The following ARHGAP32 variants were observed in gnomAD, a reference collection of about 807,000 sequenced individuals.
ARHGAP32 encodes the protein Rho GTPase activating protein 32.
Under a neutral mutation model 186.5 loss-of-function variants are expected in ARHGAP32, and 51 were observed. The observed-to-expected ratio is 0.27, with a 90% CI of 0.22 to 0.35. The LOEUF is 0.35. Among genes scored for constraint, ARHGAP32 ranks in the 10% least tolerant of loss-of-function variants. ARHGAP32 has a pLI of 1.00. For synonymous variants in ARHGAP32, 950 were observed against 964.3 expected (o/e 0.99, Z 0.27); for missense variants, 2,186 against 2,623.5 (o/e 0.83, Z 3.64).
chr11:129,136,544 G>C (rs1163574347), intron 2 of ARHGAP32, among the ~76,000 whole-genome samples: 1 of 151,922 alleles, frequency 6.6e-6, no homozygotes, highest in Non-Finnish European at 1.5e-5. Context: ...ACAGACAATA[G>C]CAAGGAAGTG....
chr11:129,114,931 C>G (rs139336101), intron 5 of ARHGAP32, among the ~76,000 whole-genome samples: 27 of 152,182 alleles, frequency 1.8e-4, no homozygotes, highest in African/African-American at 5.1e-4. Flanking sequence ...GAATGGAAAT[C>G]AGTAGCATAG....
intron 1 of ARHGAP32, among the ~76,000 whole-genome samples, chr11:129,221,804 C>T (rs1944715935): frequency 6.6e-6 from 1 of 151,998 alleles, no homozygotes; most frequent in South Asian, 2.1e-4. Flanking sequence ...AGAAGAAGAT[C>T]TTGCCTCTAA....
chr11:129,278,636 T>C (rs997278537), intron 1 of ARHGAP32, among the ~76,000 whole-genome samples: 1 of 151,880 alleles, frequency 6.6e-6, no homozygotes, highest in African/African-American at 2.4e-5. Flanking sequence ...CTTCAGTCAA[T>C]CGGAAAGACG....
chr11:129,087,818 T>C (rs1941456722), intron 6 of ARHGAP32, among the ~76,000 whole-genome samples: 3 of 152,218 alleles, frequency 2.0e-5, no homozygotes, highest in Non-Finnish European at 4.4e-5. Flanking sequence ...TAGTGGGGGA[T>C]GTTGCATGTG....
chr11:129,031,052 C>A (rs183094696), intron 11 of ARHGAP32, among the ~76,000 whole-genome samples: 2 of 152,294 alleles, frequency 1.3e-5, no homozygotes, highest in East Asian at 1.9e-4. Context: ...GGACAGCCTG[C>A]AGAACTGTGA....
At chr11:129,231,559 C>T (rs1023182939) in intron 1 of ARHGAP32, among the ~76,000 whole-genome samples, 9 of 152,060 alleles carry the variant, frequency 5.9e-5, no homozygotes, top group Admixed American at 3.3e-4. Context: ...TCTAGCTCTC[C>T]GACATCTTAC....
chr11:129,248,938 A>G lies in ARHGAP32; in HGVS notation c.-5+30208T>C, dbSNP rs183450467. Among the ~76,000 whole-genome samples, 22 of 152,328 alleles carry G rather than the reference A, an allele frequency of 1.4e-4. No homozygotes were observed. In the East Asian group the frequency reaches 3.9e-3, roughly 27 times the overall value. On this transcript the variant is annotated intron_variant, in intron 1 of 6. Transcript: ENST00000525234. The stretch of plus-strand genomic sequence containing the variant: ...TAAAGCAGGCATGGTCTCTGTCCTC[A>G]TGGAGCTTGGAGTCCATTTCCTCTA...
intron 2 of ARHGAP32, among the ~76,000 whole-genome samples, chr11:129,160,211 T>A (rs997166540): frequency 7.2e-5 from 11 of 152,252 alleles, no homozygotes; most frequent in African/African-American, 2.6e-4. Flanking sequence ...ATGCCCTCTC[T>A]CACCACTCCT....
chr11:128,978,772 T>C lies in ARHGAP32; in HGVS notation c.2120A>G (p.Lys707Arg). The change falls in exon 19 of 23, where the codon AAA becomes AGA. Residue 707 changes from lysine (K) to arginine (R), a missense_variant and splice_region_variant. Physicochemically the swap from Lys to Arg is conservative, Grantham distance 26. Coordinates refer to ENST00000682385, the MANE Select transcript of ARHGAP32 (RefSeq NM_001378024.1). ...GTGAGAATCTCCCAGGCACTCACCT[T>C]TCAGAGCCATGGCTTTCATCTCTGA... ...EPSEMKAMAL[K>R]GGRAEGTLRS... The C allele has an allele frequency of 6.2e-7, 1 of 1,608,526 alleles. No individual in the cohort carries two copies. The highest frequency in any genetic ancestry group is 8.5e-7 in the Non-Finnish European group (1 of 1,178,368).
At chr11:128,991,342 A>G (rs903658278) in intron 12 of ARHGAP32, among the ~76,000 whole-genome samples, 1 of 152,202 alleles carries the variant, frequency 6.6e-6, no homozygotes, top group Non-Finnish European at 1.5e-5. Context: ...ACTATTACTT[A>G]TAAGTTTAAG....
chr11:128,974,721 G>C lies in ARHGAP32; in HGVS notation c.2476C>G (p.Leu826Val). The change falls in exon 21 of 23, where the codon CTG (leucine) becomes GTG (valine). Residue 826 changes from leucine (L) to valine (V), a missense_variant. By Grantham distance (32) the Leu-to-Val change is conservative. Coordinates refer to ENST00000682385, the MANE Select transcript of ARHGAP32 (RefSeq NM_001378024.1). ...CSPPKAESECLESGASFLDSP... is the reference protein window; with the variant it reads ...CSPPKAESECVESGASFLDSP... ...TCTAAAAAGGAAGCACCACTCTCCA[G>C]ACATTCTGATTCGGCCTTAGGAGGA... is the stretch of plus-strand genomic sequence containing the variant. 6.2e-7 allele frequency: 1 copy of C among 1,614,184 alleles called. No individual in the cohort carries two copies. The highest frequency in any genetic ancestry group is 8.5e-7 in the Non-Finnish European group (1 of 1,180,026).
At chr11:129,156,640 G>C (rs987779475) in intron 2 of ARHGAP32, among the ~76,000 whole-genome samples, 1 of 152,186 alleles carries the variant, frequency 6.6e-6, no homozygotes, top group Admixed American at 6.5e-5. Flanking sequence ...AGGTGGGGCT[G>C]TGGGTGCAGC....
chr11:129,023,264 T>C (rs2134907528), intron 11 of ARHGAP32, among the ~76,000 whole-genome samples: 1 of 152,230 alleles, frequency 6.6e-6, no homozygotes, highest in Non-Finnish European at 1.5e-5. Context: ...TACAAAATAT[T>C]TTATGGATGG....
intron 6 of ARHGAP32, among the ~76,000 whole-genome samples, chr11:129,067,925 C>T (rs760302506): frequency 6.6e-6 from 1 of 151,992 alleles, no homozygotes; most frequent in Non-Finnish European, 1.5e-5. Context: ...ACGACATAGA[C>T]AAAAAGTCAT....
chr11:129,058,881 C>T lies in ARHGAP32; in HGVS notation c.963+3399G>A, dbSNP rs76043257. Reference sequence around the variant, plus strand: ...CAGAGTGTCTCCCAGGAGGAGCACACGCTTACAATTTAAAAATACCTAACA... The same window carrying T: ...CAGAGTGTCTCCCAGGAGGAGCACATGCTTACAATTTAAAAATACCTAACA... On this transcript the variant is annotated intron_variant, in intron 10 of 22. Coordinates refer to ENST00000682385, the MANE Select transcript of ARHGAP32 (RefSeq NM_001378024.1). 7.1e-3 allele frequency among the ~76,000 whole-genome samples: 1,083 copies of T among 152,276 alleles called. 17 individuals carry two copies. The highest frequency in any genetic ancestry group is 0.024 in the African/African-American group (1,007 of 41,548).
In ARHGAP32 at chr11:128,968,306, A is replaced by G. The variant is rs1335091173; in HGVS notation, c.*601T>C. ...GATGACTCTACCAAATGTTTAATTT[A>G]AAGTCTTAATTTCTTATTTTTAATT... On this transcript the variant is annotated 3_prime_UTR_variant, in exon 23 of 23. Coordinates refer to ENST00000682385, the MANE Select transcript of ARHGAP32 (RefSeq NM_001378024.1). 4 of 152,200 alleles carry G rather than the reference A, an allele frequency of 2.6e-5. No individual in the cohort carries two copies. Among genetic ancestry groups the G allele is most frequent in the Admixed American group, 1.3e-4 (2 of 15,280 alleles). 9.4% of individuals were successfully genotyped at this position (152,200 alleles called of 1,614,324 possible).
chr11:129,093,496 TATTATATAAGTATTTTTCTGTGG>T, intron 6 of ARHGAP32, 102 bp downstream of exon 6: 1 of 688,672 alleles, frequency 1.5e-6, no homozygotes. Flanking sequence ...CTCATTTCAG[TATTATATAAGTATTTTTCTGTGG>T]ATTATATCCT....
At chr11:129,002,013 A>G (rs1285547496) in intron 11 of ARHGAP32, among the ~76,000 whole-genome samples, 3 of 152,144 alleles carry the variant, frequency 2.0e-5, no homozygotes, top group Non-Finnish European at 4.4e-5. Flanking sequence ...GTAACTCTGT[A>G]ATATAATCTG....
chr11:128,967,304 A>G lies in ARHGAP32; in HGVS notation c.*1603T>C, dbSNP rs186574284. The G allele has an allele frequency of 6.6e-6, 1 of 152,362 alleles. No individual in the cohort carries two copies. Among genetic ancestry groups the G allele is most frequent in the East Asian group, 1.9e-4 (1 of 5,192 alleles). 9.4% of individuals were successfully genotyped at this position (152,362 alleles called of 1,614,324 possible). On this transcript the variant is annotated 3_prime_UTR_variant, in exon 23 of 23. Transcript: ENST00000682385. ...AAAGATTTCCTCCTTTGCTCTAAAT[A>G]AAAATTAATTTCAAGTTCTAAAAAG...
Sources: gnomAD v4.1 joint callset for allele counts (sites outside exome capture counted in the v4.1 genomes callset) on GRCh38, gnomAD v4.1.1 for gene constraint, MANE v1.5 for transcripts, NCBI Gene and HGNC (gene_info 2026-07-23, HGNC 2026-07-21) for gene names.